RPS6KA2: variants seen among roughly 807,000 people sequenced by gnomAD.
RPS6KA2 encodes the protein ribosomal protein S6 kinase A2.
RPS6KA2 carries 42 observed loss-of-function variants against 91.8 expected under a neutral mutation model. The observed-to-expected ratio is 0.46, with a 90% CI of 0.36 to 0.59. The LOEUF (loss-of-function observed/expected upper bound fraction) is 0.59. RPS6KA2 is among the 20% of genes least tolerant of loss of function. The pLI, the probability that RPS6KA2 is intolerant of heterozygous loss-of-function variation, is 0.00. For synonymous variants in RPS6KA2, 414 were observed against 393.6 expected (o/e 1.05, Z -0.61); for missense variants, 798 against 978.5 (o/e 0.82, Z 2.46).
intron 1 of RPS6KA2, among the ~76,000 whole-genome samples, chr6:166,594,551 C>T (rs1355456865): frequency 1.3e-5 from 2 of 152,176 alleles, no homozygotes; most frequent in African/African-American, 2.4e-5. Context: ...CAAGCTCTGC[C>T]TCCCGGGTTC....
At chr6:166,549,624 G>A (rs914819803) in intron 1 of RPS6KA2, among the ~76,000 whole-genome samples, 6 of 152,146 alleles carry the variant, frequency 3.9e-5, no homozygotes, top group Admixed American at 3.9e-4. Flanking sequence ...ACAGTTTAGT[G>A]GTTGCCAGAG....
intron 2 of RPS6KA2, among the ~76,000 whole-genome samples, chr6:166,813,250 C>T (rs904839640): frequency 6.6e-6 from 1 of 152,174 alleles, no homozygotes; most frequent in East Asian, 1.9e-4. Context: ...GGTCCCACAG[C>T]AGCAGCCAGG....
At chr6:166,598,452 T>C (rs1472654078) in intron 1 of RPS6KA2, among the ~76,000 whole-genome samples, 1 of 152,210 alleles carries the variant, frequency 6.6e-6, no homozygotes, top group Non-Finnish European at 1.5e-5. Flanking sequence ...ACCAAGTAGA[T>C]AGGCAGGGAC....
At chr6:166,462,745 CTGCTTTCCCCG>C (rs1219628787) in intron 11 of RPS6KA2, among the ~76,000 whole-genome samples, 1 of 152,234 alleles carries the variant, frequency 6.6e-6, no homozygotes, top group Admixed American at 6.5e-5. Context: ...AAGCCCGCCT[CTGCTTTCCCCG>C]TGCTTTCCAC....
chr6:166,506,431 G>A (rs1782228187), intron 5 of RPS6KA2, among the ~76,000 whole-genome samples: 2 of 152,220 alleles, frequency 1.3e-5, no homozygotes, highest in African/African-American at 4.8e-5. Flanking sequence ...GTGGATGAGA[G>A]GGGAGTGGAC....
At chr6:166,786,641 A>T (rs933483360) in intron 2 of RPS6KA2, among the ~76,000 whole-genome samples, 1 of 152,236 alleles carries the variant, frequency 6.6e-6, no homozygotes, top group Non-Finnish European at 1.5e-5. Context: ...ATAAACAAAA[A>T]TGCTACAATT....
chr6:166,421,735 C>A (rs796212650), intron 17 of RPS6KA2, among the ~76,000 whole-genome samples: 1 of 152,128 alleles, frequency 6.6e-6, no homozygotes, highest in African/African-American at 2.4e-5. Context: ...TGTTAATAAA[C>A]TTCTTTTTCT....
intron 1 of RPS6KA2, among the ~76,000 whole-genome samples, chr6:166,614,397 C>T (rs1289723292): frequency 3.3e-5 from 5 of 152,176 alleles, no homozygotes; most frequent in Non-Finnish European, 7.3e-5. Flanking sequence ...CTGTGCTGCC[C>T]GGCCCGCTTC....
At chr6:166,730,696 ACT>A (rs2128588718) in intron 2 of RPS6KA2, among the ~76,000 whole-genome samples, 1 of 152,310 alleles carries the variant, frequency 6.6e-6, no homozygotes, top group South Asian at 2.1e-4. Flanking sequence ...CATGAAAAAG[ACT>A]CTAATAAATA....
rs1185368066 is a variant in RPS6KA2, at chr6:166,662,446, G to A, written c.124-123662C>T. ...TTAGATATCTGCTTTCTTTGGGGACGTAAGAACAGCTCTGCTTGCAAATCC... is the reference window on the plus strand; with the variant it reads ...TTAGATATCTGCTTTCTTTGGGGACATAAGAACAGCTCTGCTTGCAAATCC... On this transcript the variant is annotated intron_variant, in intron 2 of 21. Coordinates refer to the RPS6KA2 transcript ENST00000503859. This position sits in a 1 kb window ranked among gnomAD's most constrained non-coding sequence, Gnocchi z 4.3. Among the ~76,000 whole-genome samples, 4 of 152,158 alleles carry A rather than the reference G, an allele frequency of 2.6e-5. No individual in the cohort carries two copies. Among genetic ancestry groups the A allele is most frequent in the Admixed American group, 1.3e-4 (2 of 15,282 alleles).
At chr6:166,756,642 G>T (rs183139558) in intron 2 of RPS6KA2, among the ~76,000 whole-genome samples, 1 of 152,292 alleles carries the variant, frequency 6.6e-6, no homozygotes, top group South Asian at 2.1e-4. Flanking sequence ...GAGGTCAGGA[G>T]TTCGAGACCA....
At chr6:166,442,743 A>G (rs968874174) in intron 14 of RPS6KA2, among the ~76,000 whole-genome samples, 3 of 152,194 alleles carry the variant, frequency 2.0e-5, no homozygotes, top group African/African-American at 7.2e-5. Flanking sequence ...TTTTATGCCT[A>G]TTATGACATC....
In RPS6KA2 at chr6:166,680,443, G is replaced by C. The variant is rs554541232; in HGVS notation, c.124-141659C>G. Among the ~76,000 whole-genome samples, 29 of 152,264 alleles carry C rather than the reference G, an allele frequency of 1.9e-4. No individual in the cohort carries two copies. In the South Asian group the frequency reaches 5.8e-3, roughly 30 times the overall value. ...CCCAGCCAGGAGACCTACCTGCTCT[G>C]GTCCCCTTCCACGTTGTGGAAGGTT... is the stretch of plus-strand genomic sequence containing the variant. On this transcript the variant is annotated intron_variant, in intron 2 of 21. Coordinates refer to the RPS6KA2 transcript ENST00000503859.
At position 166,648,218 on chromosome 6, in the gene RPS6KA2, A is replaced by ACACATTCACAAACACACACT. The variant is rs1787727056; in HGVS notation, c.124-109435_124-109434insAGTGTGTGTTTGTGAATGTG. ...CTCATACACACACTCATGCACACAC[A>ACACATTCACAAACACACACT]CGCACATGCGCACACACACACATTC... is the stretch of plus-strand genomic sequence containing the variant. On this transcript the variant is annotated intron_variant, in intron 2 of 21. Coordinates refer to the RPS6KA2 transcript ENST00000503859. This position sits in a 1 kb window ranked among gnomAD's most constrained non-coding sequence, Gnocchi z 4.8. 6.6e-6 allele frequency among the ~76,000 whole-genome samples: 1 copy of ACACATTCACAAACACACACT among 151,108 alleles called. No homozygotes were observed. The highest frequency in any genetic ancestry group is 1.5e-5 in the Non-Finnish European group (1 of 67,834).
intron 14 of RPS6KA2, among the ~76,000 whole-genome samples, chr6:166,439,688 G>A (rs1046330016): frequency 6.6e-6 from 1 of 152,212 alleles, no homozygotes; most frequent in Non-Finnish European, 1.5e-5. Context: ...AAAAGATGGA[G>A]GCGGGGAACT....
At chr6:166,614,398 G>A (rs759621853) in intron 1 of RPS6KA2, among the ~76,000 whole-genome samples, 1 of 152,100 alleles carries the variant, frequency 6.6e-6, no homozygotes, top group Non-Finnish European at 1.5e-5. Flanking sequence ...TGTGCTGCCC[G>A]GCCCGCTTCC....
chr6:166,823,286 G>A lies in RPS6KA2; in HGVS notation c.123+34914C>T, dbSNP rs547627190. On this transcript the variant is annotated intron_variant, in intron 2 of 21. Coordinates refer to the RPS6KA2 transcript ENST00000503859. The stretch of plus-strand genomic sequence containing the variant: ...ACATATTAAATGAGACTTAAGAGGT[G>A]TGTCAACCAACCACGGTATATGAGC... 3.3e-5 allele frequency among the ~76,000 whole-genome samples: 5 copies of A among 152,330 alleles called. 1 individual carries two copies. In the South Asian group the frequency reaches 6.2e-4, roughly 19 times the overall value.
rs1390545737 is a variant in RPS6KA2, at chr6:166,435,034, GAA to G, written c.1333-2546_1333-2545del. On this transcript the variant is annotated intron_variant, in intron 14 of 20. Coordinates refer to ENST00000265678, the MANE Select transcript of RPS6KA2 (RefSeq NM_021135.6). The surrounding 1 kb of genome is among the most constrained non-coding windows in gnomAD (Gnocchi z 4.3). ...ATCCACATGAATTTTTAAAAATTTT[GAA>G]CCACAAGAATATATTGTCTATTCAA... is the stretch of plus-strand genomic sequence containing the variant. 2.0e-5 allele frequency among the ~76,000 whole-genome samples: 3 copies of G among 152,068 alleles called. No homozygotes were observed. The highest frequency in any genetic ancestry group is 6.6e-5 in the Admixed American group (1 of 15,262).
intron 2 of RPS6KA2, among the ~76,000 whole-genome samples, chr6:166,855,946 C>T (rs1780889049): frequency 6.6e-6 from 1 of 152,170 alleles, no homozygotes. Flanking sequence ...ATAATTTCCT[C>T]CATCTGATAT....
Sources: gnomAD v4.1 joint callset for allele counts (sites outside exome capture counted in the v4.1 genomes callset) on GRCh38, gnomAD v4.1.1 for gene constraint, Gnocchi (gnomAD v3.1) non-coding constraint, MANE v1.5 for transcripts, NCBI Gene and HGNC (gene_info 2026-07-23, HGNC 2026-07-21) for gene names.